The following TMEM178B variants were observed in gnomAD, a reference collection of about 807,000 sequenced individuals.
TMEM178B encodes the protein transmembrane protein 178B.
Under a neutral mutation model 31.0 loss-of-function variants are expected in TMEM178B, and 5 were observed. The observed-to-expected ratio is 0.16, with a 90% CI of 0.08 to 0.34. The LOEUF is 0.34. Among genes scored for constraint, TMEM178B ranks in the 10% least tolerant of loss-of-function variants. The probability of loss-of-function intolerance (pLI) is 1.00; values close to 1 mark genes in which losing one functional copy is unlikely to be tolerated. For missense variants in TMEM178B, 275 were observed against 400.3 expected (o/e 0.69, Z 2.67); for synonymous variants, 164 against 164.0 (o/e 1.00, Z 0.00).
chr7:141,327,826 C>A (rs187477118), intron 2 of TMEM178B, among the ~76,000 whole-genome samples: 2 of 152,278 alleles, frequency 1.3e-5, no homozygotes, highest in African/African-American at 4.8e-5. Flanking sequence ...ATTAAAGTTG[C>A]ATTATAGTTG....
At chr7:141,149,117 C>G (rs1023288729) in intron 1 of TMEM178B, among the ~76,000 whole-genome samples, 5 of 152,052 alleles carry the variant, frequency 3.3e-5, no homozygotes, top group Non-Finnish European at 7.4e-5. Flanking sequence ...TAGGAGGGGT[C>G]AAGAGTGGAA....
intron 2 of TMEM178B, among the ~76,000 whole-genome samples, chr7:141,235,241 A>G (rs547810907): frequency 3.3e-5 from 5 of 152,316 alleles, no homozygotes; most frequent in Admixed American, 2.6e-4. Flanking sequence ...GGTAAGGAAT[A>G]TGTTCTTATA....
At chr7:141,377,341 G>GCC (rs1402477746) in intron 2 of TMEM178B, among the ~76,000 whole-genome samples, 8 of 151,618 alleles carry the variant, frequency 5.3e-5, no homozygotes, top group Admixed American at 5.3e-4. Context: ...TTACCACCAC[G>GCC]CCCAGCTAAT....
At chr7:141,103,440 C>G (rs1041763197) in intron 1 of TMEM178B, among the ~76,000 whole-genome samples, 7 of 152,186 alleles carry the variant, frequency 4.6e-5, no homozygotes, top group African/African-American at 1.7e-4. Context: ...TCCCTGTCTT[C>G]TTTCACTTTG....
At chr7:141,164,627 A>C in intron 1 of TMEM178B, among the ~76,000 whole-genome samples, 1 of 152,356 alleles carries the variant, frequency 6.6e-6, no homozygotes, top group Middle Eastern at 3.4e-3. Flanking sequence ...TAGAAATTGC[A>C]CAGGTTTTCA....
rs532132973 is a variant in TMEM178B, at chr7:141,185,785, A to T, written c.383-26806A>T. ...CGTGGGGGTGGAGCCCTAACCAGGG[A>T]CCATGCCCTCCTCTACCCAGCACTT... On this transcript the variant is annotated intron_variant, in intron 1 of 3. Coordinates refer to ENST00000565468, the MANE Select transcript of TMEM178B (RefSeq NM_001195278.2). Among the ~76,000 whole-genome samples, 3 of 151,990 alleles carry T rather than the reference A, an allele frequency of 2.0e-5. No homozygotes were observed. In the South Asian group the frequency reaches 6.3e-4, roughly 32 times the overall value.
At chr7:141,220,086 GA>G (rs1196183388) in intron 2 of TMEM178B, among the ~76,000 whole-genome samples, 2 of 152,074 alleles carry the variant, frequency 1.3e-5, no homozygotes, top group Admixed American at 6.5e-5. Context: ...TTGGGAGGCC[GA>G]GACAGCTGGA....
chr7:141,204,690 G>A (rs922408948), intron 1 of TMEM178B, among the ~76,000 whole-genome samples: 1 of 152,198 alleles, frequency 6.6e-6, no homozygotes, highest in African/African-American at 2.4e-5. Flanking sequence ...GATACTTGGA[G>A]CCATTACTCA....
At chr7:141,126,074 G>T (rs1446824154) in intron 1 of TMEM178B, among the ~76,000 whole-genome samples, 1 of 152,188 alleles carries the variant, frequency 6.6e-6, no homozygotes, top group Non-Finnish European at 1.5e-5. Flanking sequence ...ACCAAGCGAT[G>T]ACCAGATTGT....
intron 2 of TMEM178B, among the ~76,000 whole-genome samples, chr7:141,241,238 A>G (rs1797613726): frequency 1.3e-5 from 2 of 151,704 alleles, no homozygotes; most frequent in Non-Finnish European, 2.9e-5. Context: ...TGGTTGAAGA[A>G]GTTTCCTGCT....
intron 1 of TMEM178B, among the ~76,000 whole-genome samples, chr7:141,205,024 C>A (rs1360053623): frequency 5.3e-5 from 8 of 152,060 alleles, no homozygotes; most frequent in Non-Finnish European, 1.0e-4. Context: ...CGGGGTCTCA[C>A]TCTATTGCCC....
rs183333979 is a variant in TMEM178B, at chr7:141,400,108, T to A, written c.497-37500T>A. ...GTTTAGAACATGAAATTCCAAGTGCTATGGGTCGTCATGCATCACTGCAGG... is the reference window on the plus strand; with the variant it reads ...GTTTAGAACATGAAATTCCAAGTGCAATGGGTCGTCATGCATCACTGCAGG... On this transcript the variant is annotated intron_variant, in intron 2 of 3. Transcript: ENST00000565468. Among the ~76,000 whole-genome samples the A allele has an allele frequency of 1.8e-3, 274 of 152,308 alleles. 2 individuals are homozygous for A. Among genetic ancestry groups the A allele is most frequent in the African/African-American group, 6.3e-3 (263 of 41,576 alleles).
chr7:141,407,548 C>T lies in TMEM178B; in HGVS notation c.497-30060C>T, dbSNP rs544964052. ...TGAATAGCTTACATATATTCGTCTA[C>T]GGCCATACCACCCTGAACGCTCCCG... On this transcript the variant is annotated intron_variant, in intron 2 of 3. Transcript: ENST00000565468. Among the ~76,000 whole-genome samples, 25 of 152,246 alleles carry T rather than the reference C, an allele frequency of 1.6e-4. 1 individual carries two copies. The highest frequency in any genetic ancestry group is 9.6e-4 in the East Asian group (5 of 5,182).
intron 2 of TMEM178B, among the ~76,000 whole-genome samples, chr7:141,325,637 C>G (rs144718773): frequency 6.6e-6 from 1 of 152,312 alleles, no homozygotes; most frequent in African/African-American, 2.4e-5. Context: ...GCCTGGACTT[C>G]TTGGGAAGGC....
intron 2 of TMEM178B, among the ~76,000 whole-genome samples, chr7:141,389,631 C>G (rs1411205127): frequency 1.3e-5 from 2 of 152,326 alleles, no homozygotes; most frequent in East Asian, 1.9e-4. Context: ...TGTCACGAGG[C>G]AGCACCAAGC....
chr7:141,440,929 G>T (rs1438708903), intron 3 of TMEM178B, among the ~76,000 whole-genome samples: 1 of 152,230 alleles, frequency 6.6e-6, no homozygotes, highest in African/African-American at 2.4e-5. Flanking sequence ...TACCTTGTGA[G>T]TACCATTAGG....
intron 1 of TMEM178B, among the ~76,000 whole-genome samples, chr7:141,139,373 G>A (rs189468216): frequency 6.7e-6 from 1 of 149,438 alleles, no homozygotes; most frequent in Admixed American, 6.6e-5. Flanking sequence ...ATTTTTTTAG[G>A]CAGAGTCTCG....
intron 1 of TMEM178B, among the ~76,000 whole-genome samples, chr7:141,088,848 G>T (rs1318846196): frequency 6.6e-6 from 1 of 152,164 alleles, no homozygotes; most frequent in East Asian, 1.9e-4. Flanking sequence ...AAAATAAATT[G>T]AAGTTTATTA....
rs552956389 is a variant in TMEM178B at position 141,344,053 on chromosome 7, C to T, written c.497-93555C>T. Among the ~76,000 whole-genome samples the T allele has an allele frequency of 5.1e-4, 77 of 152,216 alleles. No individual in the cohort carries two copies. Among genetic ancestry groups the T allele is most frequent in the Admixed American group, 9.2e-4 (14 of 15,286 alleles). On this transcript the variant is annotated intron_variant, in intron 2 of 3. Transcript: ENST00000565468. The surrounding 1 kb of genome is among the most constrained non-coding windows in gnomAD (Gnocchi z 4.1). ...TTGGATTGTGACAGATTTTAAAATA[C>T]GGAGTATATGAGATATTGGCTCCTC... is the stretch of plus-strand genomic sequence containing the variant.
Sources: allele counts gnomAD v4.1 joint callset (sites outside exome capture counted in the v4.1 genomes callset), GRCh38; gene constraint gnomAD v4.1.1; non-coding constraint Gnocchi (gnomAD v3.1); transcripts MANE v1.5; gene names NCBI Gene and HGNC (gene_info 2026-07-23, HGNC 2026-07-21).